XPO5: variants seen among roughly 807,000 people sequenced by gnomAD.
The protein encoded by XPO5 is exportin 5.
In XPO5, 46 loss-of-function variants were observed where a neutral mutation model predicts 160.6. The observed-to-expected ratio is 0.29, with a 90% CI of 0.23 to 0.37. The LOEUF is 0.37. XPO5 is among the 10% of genes least tolerant of loss of function. The pLI, the probability that XPO5 is intolerant of heterozygous loss-of-function variation, is 1.00. For synonymous variants in XPO5, 537 were observed against 519.3 expected, an observed-to-expected ratio of 1.03 and a Z score of -0.46; for missense variants, 1,090 against 1,463.9, an observed-to-expected ratio of 0.74 and a Z score of 4.17.
At position 43,537,329 on chromosome 6, in the gene XPO5, A is replaced by G. The variant is rs73426765; in HGVS notation, c.2343-3322T>C. On this transcript the variant is annotated intron_variant, in intron 20 of 31. Transcript: ENST00000265351. ...GATCAACCTGTAATACATACCTGGG[A>G]GTCTTTTAAAGGCTAAACCTTTACT... Among the ~76,000 whole-genome samples, 832 of 152,192 alleles carry G rather than the reference A, an allele frequency of 5.5e-3. 9 individuals are homozygous for G. The highest frequency in any genetic ancestry group is 0.019 in the African/African-American group (772 of 41,524).
At chr6:43,556,867 G>A (rs1228441568) in intron 12 of XPO5, among the ~76,000 whole-genome samples, 3 of 152,150 alleles carry the variant, frequency 2.0e-5, no homozygotes, top group Admixed American at 6.6e-5. Flanking sequence ...GGTGGCTCAC[G>A]CCTATAATCC....
chr6:43,530,534 T>G, intron 23 of XPO5, 154 bp downstream of exon 23: 1 of 895,450 alleles, frequency 1.1e-6, no homozygotes, highest in Non-Finnish European at 1.6e-6. Context: ...TTCCCTGCAA[T>G]CTGCCAGTGT....
rs1295623830 is a variant in XPO5, at chr6:43,525,753, CTT to C, written c.3066+84_3066+85del. The C allele has an allele frequency of 5.0e-6, 7 of 1,408,336 alleles. No homozygotes were observed. In the African/African-American group the frequency reaches 1.0e-4, roughly 20 times the overall value. The allele number at this position is 1,408,336 out of a possible 1,614,324, so 87.2% of individuals were successfully genotyped here. A position where few individuals can be genotyped will look rare whatever the true frequency, so the allele number is the denominator to read the frequency against. On this transcript the variant is annotated intron_variant, in intron 28 of 31. Transcript: ENST00000265351. The stretch of plus-strand genomic sequence containing the variant: ...TAACAAAGGAGTATTACAAAAAACT[CTT>C]GATAGCACCATAGAGCAAGAAAAGT...
chr6:43,522,602 G>A lies in XPO5; in HGVS notation c.*1266C>T. ...CACACAGGAAGAGGGAGCAACACAAGACTCCCAACTTCTGCTTCCCCAGCT... is the reference window on the plus strand; with the variant it reads ...CACACAGGAAGAGGGAGCAACACAAAACTCCCAACTTCTGCTTCCCCAGCT... On this transcript the variant is annotated 3_prime_UTR_variant, in exon 32 of 32. Transcript: ENST00000265351. 2.7e-6 allele frequency: 1 copy of A among 370,996 alleles called. No homozygotes were observed. The highest frequency in any genetic ancestry group is 2.0e-5 in the South Asian group (1 of 51,068). The allele number at this position is 370,996 out of a possible 1,614,324, so 23.0% of individuals were successfully genotyped here. A position where few individuals can be genotyped will look rare whatever the true frequency, so the allele number is the denominator to read the frequency against.
At chr6:43,568,110 T>C (rs1489504383) in intron 6 of XPO5, among the ~76,000 whole-genome samples, 1 of 151,430 alleles carries the variant, frequency 6.6e-6, no homozygotes, top group Non-Finnish European at 1.5e-5. Flanking sequence ...AGATTGAGAC[T>C]ATCCTGGCTA....
chr6:43,540,162 G>A (rs1023553816), intron 20 of XPO5, among the ~76,000 whole-genome samples: 9 of 152,298 alleles, frequency 5.9e-5, no homozygotes, highest in East Asian at 3.9e-4. Flanking sequence ...GGCCAAGGAG[G>A]GGGGATCACC....
intron 13 of XPO5, chr6:43,555,500 TA>T (rs1182968065): frequency 5.5e-5 from 10 of 181,812 alleles, no homozygotes; most frequent in Non-Finnish European, 1.0e-4. Context: ...TGAAAAGTTT[TA>T]AAGTTAGGTC....
intron 20 of XPO5, among the ~76,000 whole-genome samples, chr6:43,537,512 G>A (rs541998635): frequency 2.0e-5 from 3 of 152,282 alleles, no homozygotes; most frequent in South Asian, 4.1e-4. Flanking sequence ...GCATTGAAGC[G>A]CAATAGCAGC....
chr6:43,527,507 C>G, intron 26 of XPO5, 127 bp downstream of exon 26: 1 of 876,978 alleles, frequency 1.1e-6, no homozygotes, highest in Non-Finnish European at 1.8e-6. Flanking sequence ...CTTTTGACCT[C>G]GCAATCCACC....
intron 14 of XPO5, among the ~76,000 whole-genome samples, chr6:43,551,714 G>A (rs952591288): frequency 2.0e-5 from 3 of 151,976 alleles, no homozygotes; most frequent in African/African-American, 7.3e-5. Context: ...TTGTAGAGAT[G>A]TTGTAGAAGT....
chr6:43,573,660 A>C, intron 1 of XPO5, 59 bp from the exon 2 acceptor site: 2 of 1,556,224 alleles, frequency 1.3e-6, no homozygotes, highest in South Asian at 1.2e-5. Context: ...GACTAAAAGA[A>C]TTTCATCTTA....
rs117187824 is a variant in XPO5 at position 43,534,457 on chromosome 6, G to C, written c.2343-450C>G. ...AGCATGGACCTTGCAACAGCTGTTTGGACCTGATAGAGGAACACAATTCCC... is the reference window on the plus strand; with the variant it reads ...AGCATGGACCTTGCAACAGCTGTTTCGACCTGATAGAGGAACACAATTCCC... On this transcript the variant is annotated intron_variant, in intron 20 of 31. Transcript: ENST00000265351. Among the ~76,000 whole-genome samples, 189 of 152,244 alleles carry C rather than the reference G, an allele frequency of 1.2e-3. 4 individuals carry two copies. In the East Asian group the frequency reaches 0.033, roughly 26 times the overall value.
intron 13 of XPO5, 67 bp downstream of exon 13, chr6:43,555,769 A>G (rs1762048032): frequency 6.3e-7 from 1 of 1,594,206 alleles, no homozygotes; most frequent in South Asian, 1.1e-5. Context: ...GCTCAGGCTC[A>G]TTTCCTATAT....
intron 20 of XPO5, among the ~76,000 whole-genome samples, chr6:43,544,730 T>C (rs921164731): frequency 6.6e-6 from 1 of 152,128 alleles, no homozygotes; most frequent in Admixed American, 6.5e-5. Flanking sequence ...CTGGGCAACA[T>C]GGCAAAACCC....
chr6:43,553,994 T>C (rs1210630664), intron 13 of XPO5, among the ~76,000 whole-genome samples: 1 of 152,246 alleles, frequency 6.6e-6, no homozygotes, highest in Non-Finnish European at 1.5e-5. Context: ...AATAGCCTCA[T>C]GACAGCCTTA....
intron 23 of XPO5, chr6:43,529,277 T>C (rs781781920): frequency 3.8e-6 from 5 of 1,330,682 alleles, no homozygotes; most frequent in African/African-American, 1.5e-5. Flanking sequence ...CTGCGGTGGC[T>C]CACACCTGTA....
intron 7 of XPO5, among the ~76,000 whole-genome samples, chr6:43,566,318 C>T (rs987453918): frequency 2.0e-5 from 3 of 151,988 alleles, no homozygotes; most frequent in Admixed American, 6.6e-5. Context: ...TGCTTGAACC[C>T]GGGAGGCAGA....
At chr6:43,531,984 G>A (rs186718613) in intron 21 of XPO5, among the ~76,000 whole-genome samples, 50 of 152,258 alleles carry the variant, frequency 3.3e-4, no homozygotes, top group African/African-American at 1.2e-3. Context: ...ATTAAAAACT[G>A]CCTTAAAATA....
At chr6:43,573,184 G>C (rs1763099586) in intron 2 of XPO5, among the ~76,000 whole-genome samples, 1 of 152,194 alleles carries the variant, frequency 6.6e-6, no homozygotes, top group Admixed American at 6.5e-5. Context: ...CTCTAAAAAG[G>C]CTTCGAGGGC....
Sources: allele counts gnomAD v4.1 joint callset (sites outside exome capture counted in the v4.1 genomes callset), GRCh38; gene constraint gnomAD v4.1.1; transcripts MANE v1.5; gene names NCBI Gene and HGNC (gene_info 2026-07-23, HGNC 2026-07-21).